The following POU6F2 variants were observed in gnomAD, a reference collection of about 807,000 sequenced individuals.
POU6F2 encodes the protein POU domain, class 6, transcription factor 2.
Under a neutral mutation model 71.3 loss-of-function variants are expected in POU6F2, and 31 were observed. The ratio of observed to expected loss-of-function variants is 0.43; its 90% CI spans 0.33 to 0.59. The LOEUF (loss-of-function observed/expected upper bound fraction) is 0.59, where lower values mean the gene tolerates loss of function less well. Among genes scored for constraint, POU6F2 ranks in the 20% least tolerant of loss-of-function variants. The pLI, the probability that POU6F2 is intolerant of heterozygous loss-of-function variation, is 0.04. For missense variants in POU6F2, 783 were observed against 856.8 expected, an observed-to-expected ratio of 0.91 and a Z score of 1.07; for synonymous variants, 347 against 355.7, an observed-to-expected ratio of 0.98 and a Z score of 0.27.
At chr7:39,033,129 C>T (rs1379148204) in intron 1 of POU6F2, among the ~76,000 whole-genome samples, 1 of 152,188 alleles carries the variant, frequency 6.6e-6, no homozygotes, top group East Asian at 1.9e-4. Flanking sequence ...TATCACACCC[C>T]AGGTGTTTTT....
At chr7:38,988,420 G>A (rs185386018) in intron 1 of POU6F2, among the ~76,000 whole-genome samples, 7 of 151,902 alleles carry the variant, frequency 4.6e-5, no homozygotes, top group Admixed American at 6.6e-5. Flanking sequence ...CCTGCCCCCC[G>A]CCAATCATAA....
At chr7:39,173,876 G>A (rs1395530092) in intron 2 of POU6F2, among the ~76,000 whole-genome samples, 2 of 152,208 alleles carry the variant, frequency 1.3e-5, no homozygotes, top group East Asian at 3.8e-4. Context: ...CATACTCTGT[G>A]GCTGTCATGG....
chr7:39,125,869 G>A (rs904389152), intron 2 of POU6F2, among the ~76,000 whole-genome samples: 1 of 152,096 alleles, frequency 6.6e-6, no homozygotes. Flanking sequence ...ACAAAGAATA[G>A]CAATTCATTT....
chr7:38,978,882 G>C (rs1788244151), intron 1 of POU6F2, among the ~76,000 whole-genome samples: 1 of 152,132 alleles, frequency 6.6e-6, no homozygotes. Context: ...TTTCTGTTTG[G>C]TGCTTTCCGT....
At chr7:39,366,046 G>A (rs1786493709) in intron 5 of POU6F2, among the ~76,000 whole-genome samples, 1 of 152,218 alleles carries the variant, frequency 6.6e-6, no homozygotes, top group African/African-American at 2.4e-5. Context: ...GGATGCTTAT[G>A]GGGCAATAGA....
intron 5 of POU6F2, among the ~76,000 whole-genome samples, chr7:39,387,253 AC>A (rs1786964808): frequency 3.3e-5 from 5 of 152,202 alleles, no homozygotes; most frequent in African/African-American, 1.2e-4. Flanking sequence ...ACACATATGG[AC>A]ACGCATGAAC....
intron 4 of POU6F2, among the ~76,000 whole-genome samples, chr7:39,291,391 A>C (rs1367671798): frequency 6.6e-6 from 1 of 152,212 alleles, no homozygotes; most frequent in East Asian, 1.9e-4. Context: ...TTTTCTCTTT[A>C]TTTATGACAC....
chr7:39,460,837 G>T lies in POU6F2; in HGVS notation c.1658+122G>T. On this transcript the variant is annotated intron_variant, in intron 9 of 9. Coordinates refer to ENST00000518318, the MANE Select transcript of POU6F2 (RefSeq NM_001370959.1). The surrounding 1 kb of genome is among the most constrained non-coding windows in gnomAD (Gnocchi z 4.4). ...GGGGCAGAGAGTGGGAACAAAGTTT[G>T]GGGGCAGCTATATGTTGGGATTGGT... 8.3e-7 allele frequency: 1 copy of T among 1,204,810 alleles called. No individual in the cohort carries two copies. The highest frequency in any genetic ancestry group is 1.1e-6 in the Non-Finnish European group (1 of 894,374). The allele number at this position is 1,204,810 out of a possible 1,614,324, so 74.6% of individuals were successfully genotyped here.
At chr7:39,282,523 A>C (rs771621891) in intron 4 of POU6F2, among the ~76,000 whole-genome samples, 1 of 152,154 alleles carries the variant, frequency 6.6e-6, no homozygotes, top group Non-Finnish European at 1.5e-5. Context: ...TTGCGAGACC[A>C]TTTATTGAAG....
chr7:39,353,566 GATCC>G (rs2115680153), intron 5 of POU6F2, among the ~76,000 whole-genome samples: 1 of 152,330 alleles, frequency 6.6e-6, no homozygotes, highest in South Asian at 2.1e-4. Flanking sequence ...CTTATGGGGT[GATCC>G]ATGTAGTTTG....
intron 4 of POU6F2, among the ~76,000 whole-genome samples, chr7:39,272,826 G>C (rs1055829259): frequency 1.3e-5 from 2 of 152,188 alleles, no homozygotes; most frequent in Admixed American, 1.3e-4. Context: ...TAACAAGAAG[G>C]AGAGGACTTA....
intron 1 of POU6F2, among the ~76,000 whole-genome samples, chr7:38,996,051 T>C (rs1252307487): frequency 7.5e-6 from 1 of 133,752 alleles, no homozygotes; most frequent in East Asian, 2.0e-4. Flanking sequence ...TTTTTTTTTT[T>C]TTTTTTAGAC....
chr7:39,321,922 G>T (rs1785403910), intron 4 of POU6F2, among the ~76,000 whole-genome samples: 1 of 151,662 alleles, frequency 6.6e-6, no homozygotes, highest in African/African-American at 2.4e-5. Context: ...GAGAGATAGA[G>T]AGAGAGAGAA....
At chr7:39,341,736 A>C (rs547538356) in intron 5 of POU6F2, among the ~76,000 whole-genome samples, 8 of 152,266 alleles carry the variant, frequency 5.3e-5, no homozygotes, top group Non-Finnish European at 7.4e-5. Context: ...CCTTCCTGTT[A>C]GGTGAAAGTT....
intron 1 of POU6F2, among the ~76,000 whole-genome samples, chr7:39,038,202 A>G (rs548101308): frequency 1.2e-4 from 19 of 152,096 alleles, no homozygotes; most frequent in Non-Finnish European, 2.4e-4. Flanking sequence ...ACTCTGTCCC[A>G]CCAAGATGAG....
At chr7:39,159,000 C>T (rs186744805) in intron 2 of POU6F2, among the ~76,000 whole-genome samples, 79 of 151,410 alleles carry the variant, frequency 5.2e-4, no homozygotes, top group African/African-American at 1.8e-3. Context: ...GATGAAACCC[C>T]GTCTATACTA....
At chr7:39,130,504 C>T (rs908209717) in intron 2 of POU6F2, among the ~76,000 whole-genome samples, 6 of 152,072 alleles carry the variant, frequency 3.9e-5, no homozygotes, top group African/African-American at 1.5e-4. Flanking sequence ...GCTAAGTGTG[C>T]TGTGGCTTGG....
In POU6F2 at chr7:39,042,262, C is replaced by T. The variant is rs140108127; in HGVS notation, c.106-43598C>T. 1.4e-3 allele frequency among the ~76,000 whole-genome samples: 209 copies of T among 152,056 alleles called. 1 individual carries two copies. The highest frequency in any genetic ancestry group is 4.9e-3 in the African/African-American group (202 of 41,498). On this transcript the variant is annotated intron_variant, in intron 1 of 9. Transcript: ENST00000518318. ...ATGGTGACTCCTGCAATGCTACTCC[C>T]CACTGTGGCATACATACTAGTGTTT...
intron 2 of POU6F2, among the ~76,000 whole-genome samples, chr7:39,107,039 C>CT (rs70977458): frequency 3.0e-3 from 394 of 130,872 alleles, no homozygotes; most frequent in East Asian, 4.8e-3. Flanking sequence ...TTCTTTCTTT[C>CT]TTTTTTTTTT....
Sources: gnomAD v4.1 joint callset for allele counts (sites outside exome capture counted in the v4.1 genomes callset) on GRCh38, gnomAD v4.1.1 for gene constraint, Gnocchi (gnomAD v3.1) non-coding constraint, MANE v1.5 for transcripts, NCBI Gene and HGNC (gene_info 2026-07-23, HGNC 2026-07-21) for gene names.